The following FAM135B variants were observed in gnomAD, a reference collection of about 807,000 sequenced individuals.
FAM135B encodes the protein protein FAM135B.
FAM135B carries 43 observed loss-of-function variants against 127.7 expected under a neutral mutation model. The observed-to-expected ratio is 0.34, with a 90% CI of 0.26 to 0.43. FAM135B has a LOEUF of 0.43. Ranked by LOEUF, FAM135B falls within the 20% of genes least tolerant of loss-of-function variation. The pLI, the probability that FAM135B is intolerant of heterozygous loss-of-function variation, is 1.00. For missense variants in FAM135B, 1,558 were observed against 1,725.6 expected, an observed-to-expected ratio of 0.90 and a Z score of 1.72; for synonymous variants, 670 against 665.1, an observed-to-expected ratio of 1.01 and a Z score of -0.11.
At chr8:138,317,703 A>G (rs930339591) in intron 2 of FAM135B, among the ~76,000 whole-genome samples, 6 of 152,250 alleles carry the variant, frequency 3.9e-5, no homozygotes, top group African/African-American at 1.4e-4. Flanking sequence ...AAACGCCTAC[A>G]GGGGCCAGGC....
At chr8:138,466,631 C>T (rs1019773049) in intron 1 of FAM135B, among the ~76,000 whole-genome samples, 11 of 152,084 alleles carry the variant, frequency 7.2e-5, no homozygotes, top group African/African-American at 2.2e-4. Context: ...ATAAGAATGA[C>T]GTTGTGTCTT....
chr8:138,458,451 A>T (rs1199054058), intron 1 of FAM135B, among the ~76,000 whole-genome samples: 1 of 152,224 alleles, frequency 6.6e-6, no homozygotes, highest in African/African-American at 2.4e-5. Context: ...GGCCTGAAAT[A>T]AGATGGTCAA....
chr8:138,160,103 TGATGACACA>T (rs1437089013), intron 12 of FAM135B, among the ~76,000 whole-genome samples: 1 of 152,098 alleles, frequency 6.6e-6, no homozygotes, highest in Non-Finnish European at 1.5e-5. Flanking sequence ...GTGTCTCTAG[TGATGACACA>T]GACTGGTGTG....
intron 7 of FAM135B, among the ~76,000 whole-genome samples, chr8:138,208,317 C>T (rs1000758033): frequency 6.6e-6 from 1 of 152,212 alleles, no homozygotes; most frequent in Non-Finnish European, 1.5e-5. Context: ...AATGATTAGA[C>T]TAAATGAATA....
chr8:138,467,131 A>T (rs1314870770), intron 1 of FAM135B, among the ~76,000 whole-genome samples: 1 of 152,222 alleles, frequency 6.6e-6, no homozygotes, highest in African/African-American at 2.4e-5. Context: ...CGATTGGAAG[A>T]TCCCATCTGG....
At chr8:138,364,128 G>A (rs1830599299) in intron 2 of FAM135B, among the ~76,000 whole-genome samples, 1 of 152,240 alleles carries the variant, frequency 6.6e-6, no homozygotes, top group Non-Finnish European at 1.5e-5. Context: ...GGCTTGGATT[G>A]TAGCCATGCC....
chr8:138,143,401 A>T (rs1817385205), intron 15 of FAM135B, among the ~76,000 whole-genome samples: 1 of 152,188 alleles, frequency 6.6e-6, no homozygotes, highest in Non-Finnish European at 1.5e-5. Flanking sequence ...TCAGCGTGAC[A>T]CTGGGATTGC....
intron 7 of FAM135B, among the ~76,000 whole-genome samples, chr8:138,233,983 T>C (rs1400300253): frequency 2.6e-5 from 4 of 152,138 alleles, no homozygotes; most frequent in African/African-American, 9.7e-5. Context: ...CAAAATGAGA[T>C]ATCAATTCAC....
intron 3 of FAM135B, among the ~76,000 whole-genome samples, chr8:138,305,005 T>TA (rs1226704301): frequency 6.6e-6 from 1 of 152,186 alleles, no homozygotes; most frequent in Admixed American, 6.5e-5. Context: ...GGCTGGTACT[T>TA]AGAGCCTGGG....
chr8:138,220,231 T>C (rs1450361720), intron 7 of FAM135B, among the ~76,000 whole-genome samples: 1 of 152,168 alleles, frequency 6.6e-6, no homozygotes, highest in Non-Finnish European at 1.5e-5. Flanking sequence ...AGAAGTATTC[T>C]CTTGATTGGG....
chr8:138,490,940 C>T (rs541198961), intron 1 of FAM135B, among the ~76,000 whole-genome samples: 10 of 151,996 alleles, frequency 6.6e-5, no homozygotes, highest in African/African-American at 1.9e-4. Context: ...GTCAAGAGTT[C>T]GAGACCAGCC....
intron 1 of FAM135B, among the ~76,000 whole-genome samples, chr8:138,434,318 G>C (rs1274667723): frequency 6.6e-6 from 1 of 152,102 alleles, no homozygotes; most frequent in African/African-American, 2.4e-5. Flanking sequence ...TATTCTTTGG[G>C]AGTGAGAATA....
chr8:138,309,723 T>C (rs1017182321), intron 3 of FAM135B, among the ~76,000 whole-genome samples: 1 of 152,222 alleles, frequency 6.6e-6, no homozygotes, highest in African/African-American at 2.4e-5. Flanking sequence ...CTATGACCAG[T>C]ACTCTTAGCT....
At chr8:138,299,395 C>G (rs3942248) in intron 3 of FAM135B, among the ~76,000 whole-genome samples, 123,176 of 152,054 alleles carry the variant, frequency 0.81, 51,839 homozygotes, top group Non-Finnish European at 0.93. Context: ...ATGAACTCCC[C>G]CCTCCAAACA....
intron 1 of FAM135B, among the ~76,000 whole-genome samples, chr8:138,406,177 C>T (rs1369850064): frequency 1.3e-5 from 2 of 151,520 alleles, no homozygotes; most frequent in Non-Finnish European, 2.9e-5. Context: ...CCTGTTCACT[C>T]CGATGGTAGT....
At chr8:138,382,460 T>A (rs907234217) in intron 1 of FAM135B, among the ~76,000 whole-genome samples, 2 of 151,422 alleles carry the variant, frequency 1.3e-5, no homozygotes, top group Non-Finnish European at 2.9e-5. Flanking sequence ...ATATGGGGGG[T>A]TTGGGGTGAG....
At chr8:138,169,852 T>G (rs1056912535) in intron 11 of FAM135B, among the ~76,000 whole-genome samples, 3 of 152,228 alleles carry the variant, frequency 2.0e-5, no homozygotes, top group Admixed American at 2.0e-4. Flanking sequence ...GTCTAAGTTA[T>G]GTTATGCAGG....
intron 1 of FAM135B, among the ~76,000 whole-genome samples, chr8:138,418,409 A>G (rs13278638): frequency 0.068 from 10,361 of 152,166 alleles, 796 homozygotes; most frequent in East Asian, 0.26. Context: ...CCTTACTAGA[A>G]AGGTCAATAT....
intron 3 of FAM135B, among the ~76,000 whole-genome samples, chr8:138,272,245 A>G (rs1823440620): frequency 6.6e-6 from 1 of 152,228 alleles, no homozygotes; most frequent in Non-Finnish European, 1.5e-5. Flanking sequence ...AAGGCTTTGC[A>G]TATCAGTAAC....
Sources: allele counts gnomAD v4.1 joint callset (sites outside exome capture counted in the v4.1 genomes callset), GRCh38; gene constraint gnomAD v4.1.1; transcripts MANE v1.5; gene names NCBI Gene and HGNC (gene_info 2026-07-23, HGNC 2026-07-21).